LIN52: variants seen among roughly 807,000 people sequenced by gnomAD.
LIN52 encodes lin-52 DREAM MuvB core complex component.
Under a neutral mutation model 18.5 loss-of-function variants are expected in LIN52, and 4 were observed. That is an observed-to-expected ratio of 0.22 (90% CI 0.11 to 0.49). LIN52 has a LOEUF of 0.49. LIN52 is among the 20% of genes least tolerant of loss of function. The probability of loss-of-function intolerance (pLI) is 0.97; values close to 1 mark genes in which losing one functional copy is unlikely to be tolerated. For missense variants in LIN52, 102 were observed against 139.5 expected (o/e 0.73, Z 1.35); for synonymous variants, 34 against 45.5 (o/e 0.75, Z 1.02).
intron 5 of LIN52, among the ~76,000 whole-genome samples, chr14:74,109,107 G>A (rs544664956): frequency 7.9e-5 from 12 of 151,956 alleles, no homozygotes; most frequent in Admixed American, 3.3e-4. Flanking sequence ...TAATTCTTTC[G>A]CATGTGGATA....
chr14:74,174,894 C>G (rs2061285812), intron 5 of LIN52: 1 of 152,028 alleles, frequency 6.6e-6, no homozygotes, highest in African/African-American at 2.4e-5. Context: ...GTGGTCCTAG[C>G]TACTCAGGAG....
At chr14:74,141,419 T>C (rs2061130082) in intron 5 of LIN52, among the ~76,000 whole-genome samples, 1 of 152,260 alleles carries the variant, frequency 6.6e-6, no homozygotes, top group Admixed American at 6.5e-5. Flanking sequence ...AAATGCTTCA[T>C]AGGATTTCAC....
intron 5 of LIN52, among the ~76,000 whole-genome samples, chr14:74,143,154 C>T (rs1431988952): frequency 1.3e-5 from 2 of 152,110 alleles, no homozygotes; most frequent in Non-Finnish European, 2.9e-5. Context: ...CAATTTCCTA[C>T]AAGCTTTGTG....
intron 5 of LIN52, among the ~76,000 whole-genome samples, chr14:74,147,770 G>C (rs1412434941): frequency 6.6e-6 from 1 of 152,180 alleles, no homozygotes; most frequent in African/African-American, 2.4e-5. Context: ...GAGGTAATCA[G>C]AGTAGTCAAA....
At chr14:74,147,243 A>G (rs1252613881) in intron 5 of LIN52, among the ~76,000 whole-genome samples, 3 of 152,182 alleles carry the variant, frequency 2.0e-5, no homozygotes, top group African/African-American at 7.2e-5. Context: ...GGGCAGTAAG[A>G]GCGAAACTTC....
intron 5 of LIN52, among the ~76,000 whole-genome samples, chr14:74,130,287 T>TTTGTTTTTTTTG (rs1566856583): frequency 1.5e-5 from 2 of 130,242 alleles, no homozygotes; most frequent in Admixed American, 8.1e-5. Context: ...GGTTTTTTTT[T>TTTGTTTTTTTTG]TTTTTTTTTG....
intron 5 of LIN52, among the ~76,000 whole-genome samples, chr14:74,130,836 T>G (rs2061061928): frequency 6.6e-6 from 1 of 152,092 alleles, no homozygotes; most frequent in African/African-American, 2.4e-5. Context: ...TCCACCCGCC[T>G]TGGCCTCCCA....
At chr14:74,135,021 C>G (rs2061089559) in intron 5 of LIN52, among the ~76,000 whole-genome samples, 1 of 152,126 alleles carries the variant, frequency 6.6e-6, no homozygotes, top group Non-Finnish European at 1.5e-5. Context: ...TTGAAACTAT[C>G]CTTGCATACC....
intron 5 of LIN52, among the ~76,000 whole-genome samples, chr14:74,129,642 C>G (rs1012825231): frequency 1.3e-5 from 2 of 152,066 alleles, no homozygotes; most frequent in African/African-American, 4.8e-5. Flanking sequence ...CACTTGAGCA[C>G]AAGAGTTTGA....
At chr14:74,164,011 T>G (rs910997043) in intron 5 of LIN52, among the ~76,000 whole-genome samples, 5 of 150,530 alleles carry the variant, frequency 3.3e-5, no homozygotes, top group African/African-American at 1.2e-4. Flanking sequence ...AGACAGAGAC[T>G]CGTGCTGTCG....
At chr14:74,181,338 GC>G in intron 5 of LIN52, among the ~76,000 whole-genome samples, 1 of 151,288 alleles carries the variant, frequency 6.6e-6, no homozygotes, top group East Asian at 2.0e-4. Context: ...TACTCAGGGG[GC>G]TAAGGTGGGA....
intron 5 of LIN52, among the ~76,000 whole-genome samples, chr14:74,143,210 T>A (rs1366791628): frequency 6.6e-6 from 1 of 152,210 alleles, no homozygotes; most frequent in African/African-American, 2.4e-5. Context: ...TTTTGTACAC[T>A]ATTTTGTGTC....
intron 5 of LIN52, among the ~76,000 whole-genome samples, chr14:74,183,104 T>C (rs2061325858): frequency 4.0e-5 from 1 of 25,212 alleles, no homozygotes; most frequent in South Asian, 6.0e-4. Flanking sequence ...TCTCTCTCTC[T>C]TTTTTTTTTT....
intron 5 of LIN52, among the ~76,000 whole-genome samples, chr14:74,122,889 A>G (rs1223361823): frequency 1.0e-5 from 1 of 96,330 alleles, no homozygotes; most frequent in Non-Finnish European, 2.3e-5. Flanking sequence ...ACAAACAAAC[A>G]AAAACAAAAA....
chr14:74,104,852 T>C (rs974189543), intron 5 of LIN52, among the ~76,000 whole-genome samples: 2 of 152,180 alleles, frequency 1.3e-5, no homozygotes, highest in African/African-American at 4.8e-5. Flanking sequence ...GGTGGAACTA[T>C]GACAATCAGA....
intron 5 of LIN52, 37 bp from the exon 6 acceptor site, chr14:74,198,883 TAG>T: frequency 2.0e-6 from 3 of 1,468,846 alleles, no homozygotes; most frequent in African/African-American, 2.8e-5. Flanking sequence ...TTTCCGATTT[TAG>T]GTTTTCATTG....
intron 5 of LIN52, among the ~76,000 whole-genome samples, chr14:74,139,834 A>G (rs1337492513): frequency 2.0e-5 from 3 of 152,188 alleles, no homozygotes; most frequent in South Asian, 4.1e-4. Flanking sequence ...TGTGTTTCAC[A>G]TAGGCTTGAT....
intron 5 of LIN52, among the ~76,000 whole-genome samples, chr14:74,162,304 C>T (rs915363399): frequency 4.0e-5 from 6 of 151,710 alleles, no homozygotes; most frequent in South Asian, 2.1e-4. Flanking sequence ...GGTGAAATCT[C>T]GTCTCTACTA....
At chr14:74,188,967 C>A (rs2061351710) in intron 5 of LIN52, among the ~76,000 whole-genome samples, 2 of 152,178 alleles carry the variant, frequency 1.3e-5, no homozygotes, top group Admixed American at 1.3e-4. Flanking sequence ...TTAGCTGTTG[C>A]CAGCTGCCAG....
Sources: gnomAD v4.1 joint callset for allele counts (sites outside exome capture counted in the v4.1 genomes callset) on GRCh38, gnomAD v4.1.1 for gene constraint, MANE v1.5 for transcripts, NCBI Gene and HGNC (gene_info 2026-07-23, HGNC 2026-07-21) for gene names.